MECOM: variants seen among roughly 807,000 people sequenced by gnomAD.
MECOM encodes the protein histone-lysine N-methyltransferase MECOM.
MECOM carries 13 observed loss-of-function variants against 116.3 expected under a neutral mutation model. The ratio of observed to expected loss-of-function variants is 0.11; its 90% CI spans 0.07 to 0.18. MECOM has a LOEUF of 0.18. MECOM is among the 10% of genes least tolerant of loss of function. The pLI is 1.00. For synonymous variants in MECOM, 528 were observed against 535.2 expected, an observed-to-expected ratio of 0.99 and a Z score of 0.19; for missense variants, 1,299 against 1,509.0, an observed-to-expected ratio of 0.86 and a Z score of 2.31.
At chr3:169,475,602 A>G (rs1750233975) in intron 1 of MECOM, among the ~76,000 whole-genome samples, 2 of 152,160 alleles carry the variant, frequency 1.3e-5, no homozygotes, top group East Asian at 3.9e-4. Flanking sequence ...TTCCGAATCT[A>G]ATAGCTGTCT....
chr3:169,122,603 A>G lies in MECOM; in HGVS notation c.955T>C (p.Tyr319His), dbSNP rs144195477. The G allele has an allele frequency of 1.2e-5, 19 of 1,613,938 alleles. No individual in the cohort carries two copies. The highest frequency in any genetic ancestry group is 1.6e-5 in the Non-Finnish European group (19 of 1,179,936). The change falls in exon 6 of 17, where the codon TAT becomes CAT. Residue 319 changes from tyrosine (Y) to histidine (H), a missense_variant. Tyr to His is a moderately conservative substitution (Grantham distance 83). Transcript: ENST00000651503. ...ACCTTGGCACAGTTTTCACATTCAT[A>G]GTGCTTTCCACTGTCATGTGACATC... Reference protein sequence around the residue: ...HQMSHDSGKHYECENCAKVFT... With the variant: ...HQMSHDSGKHHECENCAKVFT...
intron 2 of MECOM, among the ~76,000 whole-genome samples, chr3:169,244,197 A>G (rs1171921050): frequency 6.6e-6 from 1 of 152,218 alleles, no homozygotes; most frequent in Non-Finnish European, 1.5e-5. Context: ...AAATCTACCT[A>G]AAACATTTCA....
At chr3:169,181,917 T>C (rs1302806364) in intron 2 of MECOM, among the ~76,000 whole-genome samples, 1 of 152,170 alleles carries the variant, frequency 6.6e-6, no homozygotes, top group Non-Finnish European at 1.5e-5. Context: ...TAATAATGTC[T>C]TTTTTGCAGG....
chr3:169,583,498 G>A (rs1765365386), intron 1 of MECOM, among the ~76,000 whole-genome samples: 1 of 151,886 alleles, frequency 6.6e-6, no homozygotes, highest in Admixed American at 6.6e-5. Flanking sequence ...TTCTCTTCCT[G>A]TAGAACTGCC....
At chr3:169,583,678 G>C (rs749899708) in intron 1 of MECOM, among the ~76,000 whole-genome samples, 7 of 151,834 alleles carry the variant, frequency 4.6e-5, no homozygotes, top group Non-Finnish European at 8.8e-5. Context: ...TTTTGAGACA[G>C]AGTCTCACTG....
At chr3:169,186,465 G>A (rs1746788497) in intron 2 of MECOM, among the ~76,000 whole-genome samples, 1 of 151,574 alleles carries the variant, frequency 6.6e-6, no homozygotes, top group South Asian at 2.1e-4. Context: ...TAACTATTGG[G>A]TGACTTTGGT....
chr3:169,131,835 A>T, intron 3 of MECOM: 6 of 843,174 alleles, frequency 7.1e-6, no homozygotes, highest in Non-Finnish European at 8.8e-6. Flanking sequence ...ATGTTTAACG[A>T]AGAACTTTCC....
At chr3:169,163,321 C>G (rs114522785) in intron 2 of MECOM, among the ~76,000 whole-genome samples, 56 of 152,164 alleles carry the variant, frequency 3.7e-4, no homozygotes, top group African/African-American at 1.3e-3. Context: ...ATAATCCTTG[C>G]CAAATTCTCA....
At chr3:169,629,454 C>G (rs900055062) in intron 1 of MECOM, among the ~76,000 whole-genome samples, 1 of 151,988 alleles carries the variant, frequency 6.6e-6, no homozygotes, top group African/African-American at 2.4e-5. Context: ...AGCAAATGCA[C>G]CCCAGCCCCA....
chr3:169,658,251 G>A (rs970751863), intron 1 of MECOM, among the ~76,000 whole-genome samples: 2 of 152,172 alleles, frequency 1.3e-5, no homozygotes, highest in Non-Finnish European at 2.9e-5. Flanking sequence ...GCGGAAGAAG[G>A]GTTAACCGTC....
intron 1 of MECOM, among the ~76,000 whole-genome samples, chr3:169,465,004 T>G (rs1032833269): frequency 6.6e-6 from 1 of 152,166 alleles, no homozygotes; most frequent in Non-Finnish European, 1.5e-5. Context: ...CTCTTTTTTA[T>G]GTGGAAGAAT....
intron 1 of MECOM, among the ~76,000 whole-genome samples, chr3:169,571,194 A>G (rs1031273207): frequency 6.6e-6 from 1 of 152,222 alleles, no homozygotes; most frequent in Non-Finnish European, 1.5e-5. Flanking sequence ...CTATATACCA[A>G]TAATAGACAA....
At chr3:169,355,980 G>A (rs1727207291) in intron 2 of MECOM, among the ~76,000 whole-genome samples, 2 of 151,810 alleles carry the variant, frequency 1.3e-5, no homozygotes, top group South Asian at 2.1e-4. Context: ...AAAATAAAGA[G>A]TAAAAGCAAA....
chr3:169,576,349 T>C (rs1201912158), intron 1 of MECOM, among the ~76,000 whole-genome samples: 1 of 151,952 alleles, frequency 6.6e-6, no homozygotes, highest in South Asian at 2.1e-4. Flanking sequence ...AAAACCACAA[T>C]AAAAGGATGC....
intron 3 of MECOM, among the ~76,000 whole-genome samples, chr3:169,143,000 T>C (rs971958838): frequency 3.3e-5 from 5 of 151,960 alleles, no homozygotes; most frequent in Admixed American, 1.3e-4. Context: ...TTAGGTATTG[T>C]CATATGATAT....
At chr3:169,183,725 C>T (rs1015693559) in intron 2 of MECOM, among the ~76,000 whole-genome samples, 2 of 139,188 alleles carry the variant, frequency 1.4e-5, no homozygotes, top group Non-Finnish European at 3.1e-5. Context: ...GAGGTAGAAG[C>T]AACTGATACG....
intron 3 of MECOM, chr3:169,133,917 T>C (rs1201503944): frequency 7.8e-7 from 1 of 1,289,290 alleles, no homozygotes. Flanking sequence ...ATCACCTCTT[T>C]TTTTGGCATC....
At chr3:169,112,652 A>G (rs1311985741) in intron 9 of MECOM, 135 bp downstream of exon 9, 1 of 693,998 alleles carries the variant, frequency 1.4e-6, no homozygotes, top group Non-Finnish European at 2.5e-6. Flanking sequence ...ATTCTGCTAG[A>G]ATTTCCTGTG....
chr3:169,220,560 C>T (rs369913437), intron 2 of MECOM, among the ~76,000 whole-genome samples: 28 of 152,142 alleles, frequency 1.8e-4, no homozygotes, highest in African/African-American at 5.8e-4. Context: ...CTGCAACCTC[C>T]GCCTCCCAGG....
Sources: gnomAD v4.1 joint callset for allele counts (sites outside exome capture counted in the v4.1 genomes callset) on GRCh38, gnomAD v4.1.1 for gene constraint, MANE v1.5 for transcripts, NCBI Gene and HGNC (gene_info 2026-07-23, HGNC 2026-07-21) for gene names.